The following TENM3 variants were observed in gnomAD, a reference collection of about 807,000 sequenced individuals.
The protein encoded by TENM3 is teneurin-3.
TENM3 carries 63 observed loss-of-function variants against 255.1 expected under a neutral mutation model. The ratio of observed to expected loss-of-function variants is 0.25; its 90% CI spans 0.20 to 0.30. The LOEUF is 0.30. TENM3 is among the 10% of genes least tolerant of loss of function. The pLI is 1.00. For missense variants in TENM3, 2,929 were observed against 3,461.1 expected, an observed-to-expected ratio of 0.85 and a Z score of 3.86; for synonymous variants, 1,306 against 1,322.3, an observed-to-expected ratio of 0.99 and a Z score of 0.27.
the TENM3 span, among the ~76,000 whole-genome samples, chr4:182,093,325 G>A: frequency 6.6e-6 from 1 of 152,152 alleles, no homozygotes; most frequent in African/African-American, 2.4e-5. Context: ...TAGAAAGATG[G>A]TGGCAGGAGC....
chr4:181,639,864 T>C, the TENM3 span, among the ~76,000 whole-genome samples: 1 of 152,158 alleles, frequency 6.6e-6, no homozygotes, highest in Non-Finnish European at 1.5e-5. Flanking sequence ...ACAGATGAAC[T>C]CCTGCCAGTA....
At chr4:182,383,814 C>A (rs965611371) in intron 3 of TENM3, among the ~76,000 whole-genome samples, 2 of 152,098 alleles carry the variant, frequency 1.3e-5, no homozygotes, top group African/African-American at 2.4e-5. Context: ...GACACATAGA[C>A]CAATGGAACA....
intron 3 of TENM3, among the ~76,000 whole-genome samples, chr4:182,469,689 G>A (rs1040705890): frequency 1.3e-5 from 2 of 151,082 alleles, no homozygotes; most frequent in African/African-American, 4.9e-5. Flanking sequence ...ACTCCAGCTT[G>A]GGCAACAGAG....
intron 3 of TENM3, among the ~76,000 whole-genome samples, chr4:182,497,245 G>T (rs1735864956): frequency 6.6e-6 from 1 of 151,934 alleles, no homozygotes; most frequent in East Asian, 1.9e-4. Context: ...AGTAGACGGG[G>T]TTTCACCATG....
At chr4:181,922,423 G>C in the TENM3 span, among the ~76,000 whole-genome samples, 19 of 152,166 alleles carry the variant, frequency 1.2e-4, no homozygotes, top group African/African-American at 4.1e-4. Flanking sequence ...CCTGTTATTG[G>C]TCTATTCAGA....
At chr4:182,777,216 C>T (rs2152803313) in intron 24 of TENM3, among the ~76,000 whole-genome samples, 1 of 152,070 alleles carries the variant, frequency 6.6e-6, no homozygotes, top group East Asian at 1.9e-4. Context: ...CCTCTCTTAC[C>T]TTGCATTATT....
chr4:181,924,303 G>A, the TENM3 span, among the ~76,000 whole-genome samples: 1 of 152,210 alleles, frequency 6.6e-6, no homozygotes, highest in Non-Finnish European at 1.5e-5. Flanking sequence ...TGATGCTCAT[G>A]CTGCTGATGG....
chr4:181,928,173 A>G, the TENM3 span, among the ~76,000 whole-genome samples: 3 of 152,162 alleles, frequency 2.0e-5, no homozygotes, highest in South Asian at 6.2e-4. Flanking sequence ...CTGGGTGGAG[A>G]ATGAGTTTGA....
intron 3 of TENM3, among the ~76,000 whole-genome samples, chr4:182,426,007 CAAAAAAAAAAAAAA>C (rs55836889): frequency 1.1e-5 from 1 of 90,762 alleles, no homozygotes; most frequent in South Asian, 3.7e-4. Context: ...GAGTCCATGT[CAAAAAAAAAAAAAA>C]AAAAAAAAAC....
At chr4:182,794,846 T>C (rs1042069984) in intron 26 of TENM3, among the ~76,000 whole-genome samples, 2 of 152,182 alleles carry the variant, frequency 1.3e-5, no homozygotes, top group Admixed American at 6.5e-5. Flanking sequence ...ACTCCAAGAA[T>C]TCTGAATCCT....
the TENM3 span, among the ~76,000 whole-genome samples, chr4:182,027,321 T>C: frequency 6.6e-6 from 1 of 152,174 alleles, no homozygotes; most frequent in African/African-American, 2.4e-5. Flanking sequence ...TGTATGTTGA[T>C]TTTGTATCCT....
chr4:181,495,916 A>AAG, the TENM3 span, among the ~76,000 whole-genome samples: 41 of 151,288 alleles, frequency 2.7e-4, no homozygotes, highest in African/African-American at 8.2e-4. Context: ...AAAAAAAAAA[A>AAG]AAAAAAGAAA....
the TENM3 span, among the ~76,000 whole-genome samples, chr4:181,815,244 G>C: frequency 6.6e-6 from 1 of 151,362 alleles, no homozygotes; most frequent in Non-Finnish European, 1.5e-5. Context: ...CTGAGGTCAG[G>C]AGTTCGAGAC....
At chr4:181,708,759 C>T in the TENM3 span, among the ~76,000 whole-genome samples, 1 of 152,146 alleles carries the variant, frequency 6.6e-6, no homozygotes, top group Non-Finnish European at 1.5e-5. Flanking sequence ...TGTTTTAAAG[C>T]TCCCAGGTGA....
At chr4:182,441,911 G>A (rs759442747) in intron 3 of TENM3, among the ~76,000 whole-genome samples, 14 of 152,178 alleles carry the variant, frequency 9.2e-5, no homozygotes, top group East Asian at 1.9e-4. Context: ...CCCTATGCTC[G>A]TATGTTCGTG....
At chr4:182,323,227 C>T (rs752783646) in intron 1 of TENM3, among the ~76,000 whole-genome samples, 2 of 152,038 alleles carry the variant, frequency 1.3e-5, no homozygotes, top group Non-Finnish European at 2.9e-5. Flanking sequence ...GAAACTCCCC[C>T]CATCAAATTA....
At chr4:182,109,041 C>G in the TENM3 span, among the ~76,000 whole-genome samples, 1 of 151,580 alleles carries the variant, frequency 6.6e-6, no homozygotes, top group Admixed American at 6.6e-5. Context: ...TATTAGGCCT[C>G]AATTCTACCA....
intron 1 of TENM3, among the ~76,000 whole-genome samples, chr4:182,316,375 A>G (rs1762750707): frequency 1.3e-5 from 2 of 151,734 alleles, no homozygotes; most frequent in African/African-American, 2.4e-5. Context: ...TTTTTTCCCA[A>G]TCTGGCTGCT....
chr4:181,644,226 C>T, the TENM3 span, among the ~76,000 whole-genome samples: 3 of 151,964 alleles, frequency 2.0e-5, no homozygotes, highest in Non-Finnish European at 2.9e-5. Flanking sequence ...GCCAGTGTTC[C>T]TTACCTGGAA....
Sources: allele counts gnomAD v4.1 joint callset (sites outside exome capture counted in the v4.1 genomes callset), GRCh38; gene constraint gnomAD v4.1.1; transcripts MANE v1.5; gene names NCBI Gene and HGNC (gene_info 2026-07-23, HGNC 2026-07-21).